Variants in MAP3K6 observed in about 807,000 individuals in gnomAD.
MAP3K6 encodes the protein mitogen-activated protein kinase kinase kinase 6.
A neutral mutation model predicts 147.1 loss-of-function variants in MAP3K6; 105 were observed. The ratio of observed to expected loss-of-function variants is 0.71; its 90% CI spans 0.61 to 0.84. The LOEUF (loss-of-function observed/expected upper bound fraction) is 0.84, where lower values mean the gene tolerates loss of function less well. Ranked by LOEUF, MAP3K6 falls within the 40% of genes least tolerant of loss-of-function variation. The pLI is 0.00. For missense variants in MAP3K6, 1,569 were observed against 1,715.0 expected, an observed-to-expected ratio of 0.91 and a Z score of 1.50; for synonymous variants, 695 against 732.4, an observed-to-expected ratio of 0.95 and a Z score of 0.82.
At chr1:27,363,644 C>T in intron 5 of MAP3K6, 96 bp from the exon 6 acceptor site, 1 of 969,730 alleles carries the variant, frequency 1.0e-6, no homozygotes, top group Non-Finnish European at 1.5e-6. Flanking sequence ...TCCCACCCAG[C>T]CACCATCTTC....
At position 27,363,378 on chromosome 1, in the gene MAP3K6, C is replaced by T. The variant is rs778196706; in HGVS notation, c.971+64G>A. The T allele has an allele frequency of 1.2e-4, 160 of 1,372,496 alleles. 1 individual carries two copies. Among genetic ancestry groups the T allele is most frequent in the South Asian group, 2.0e-4 (15 of 74,092 alleles). The allele number at this position is 1,372,496 out of a possible 1,614,324, so 85.0% of individuals were successfully genotyped here. Reference sequence around the variant, plus strand: ...GATCCCAGACAGCAATGGCTTTGCACGCAGAGACCTAGGTTTCGGAAACCT... The same window carrying T: ...GATCCCAGACAGCAATGGCTTTGCATGCAGAGACCTAGGTTTCGGAAACCT... On this transcript the variant is annotated intron_variant, in intron 6 of 28. Transcript: ENST00000357582.
At chr1:27,361,100 C>A (rs1239147140) in intron 13 of MAP3K6, 57 bp downstream of exon 13, 27 of 1,543,094 alleles carry the variant, frequency 1.7e-5, no homozygotes, top group Non-Finnish European at 2.4e-5. Context: ...TTCTTTCCCC[C>A]ACTCCCCCCC....
chr1:27,358,111 G>A lies in MAP3K6; in HGVS notation c.2915+70C>T, dbSNP rs1334069882. 6.6e-7 allele frequency: 1 copy of A among 1,523,294 alleles called. No individual in the cohort carries two copies. Among genetic ancestry groups the A allele is most frequent in the Non-Finnish European group, 8.8e-7 (1 of 1,139,146 alleles). The allele number at this position is 1,523,294 out of a possible 1,614,324, so 94.4% of individuals were successfully genotyped here. A position where few individuals can be genotyped will look rare whatever the true frequency, so the allele number is the denominator to read the frequency against. On this transcript the variant is annotated intron_variant, in intron 21 of 28. Coordinates refer to ENST00000357582, the MANE Select transcript of MAP3K6 (RefSeq NM_004672.5). This position sits in a 1 kb window ranked among gnomAD's most constrained non-coding sequence, Gnocchi z 6.2. Reference sequence around the variant, plus strand: ...TCAAGGTGCCCAGGTCCCCAGGGAGGGCTTTTGTAGGAGAGGAGAAAAAGG... The same window carrying A: ...TCAAGGTGCCCAGGTCCCCAGGGAGAGCTTTTGTAGGAGAGGAGAAAAAGG...
chr1:27,355,656 G>C lies in MAP3K6; in HGVS notation c.3788+13C>G, dbSNP rs1262267147. On this transcript the variant is annotated intron_variant, in intron 28 of 28. Coordinates refer to ENST00000357582, the MANE Select transcript of MAP3K6 (RefSeq NM_004672.5). Reference sequence around the variant, plus strand: ...CATATGCATGGTTCACACTTGGGGGGCCCAGGATGTACCTGATGCGGGTGT... The same window carrying C: ...CATATGCATGGTTCACACTTGGGGGCCCCAGGATGTACCTGATGCGGGTGT... The C allele has an allele frequency of 1.2e-6, 2 of 1,613,158 alleles. No homozygotes were observed. The highest frequency in any genetic ancestry group is 4.5e-5 in the East Asian group (2 of 44,874).
At chr1:27,365,454 C>T (rs193235801) in intron 1 of MAP3K6, among the ~76,000 whole-genome samples, 40 of 152,270 alleles carry the variant, frequency 2.6e-4, no homozygotes, top group African/African-American at 9.6e-4. Flanking sequence ...ATCTTTGTGT[C>T]CGAGTGGTCG....
rs766699594 is a variant in MAP3K6, at chr1:27,356,471, C to G, written c.3554G>C (p.Arg1185Pro). 7 of 1,613,824 alleles carry G rather than the reference C, an allele frequency of 4.3e-6. No homozygotes were observed. The East Asian group carries it at 1.1e-4, about 26-fold the overall frequency. Residue 1185 changes from arginine to proline, a missense_variant, in exon 26 of 29, where the codon CGG becomes CCG. By Grantham distance (103) the Arg-to-Pro change is moderately radical (BLOSUM62 -2). Transcript: ENST00000357582. ...CCGCTGCACCAGGGCCTGGTACTCC[C>G]GTTCCTTCCCCGCCAGGATTTCGCG... The part of the protein sequence containing the change: ...RLREILAGKE[R>P]EYQALVQRAL...
chr1:27,356,394 G>A lies in MAP3K6; in HGVS notation c.3631C>T (p.Pro1211Ser), dbSNP rs2015522450. 1.2e-6 allele frequency: 2 copies of A among 1,607,340 alleles called. No individual in the cohort carries two copies. Among genetic ancestry groups the A allele is most frequent in the South Asian group, 1.1e-5 (1 of 90,068 alleles). The change falls in exon 26 of 29, where the codon CCT becomes TCT. Residue 1211 changes from proline to serine, a missense_variant. Physicochemically the swap from Pro to Ser is moderately conservative, Grantham distance 74. Transcript: ENST00000357582. ...EARTYVLAPE[P>S]PTALSTDQGL... Reference sequence around the variant, plus strand: ...CCAGCCAAGGCCCACTCACTTGGAGGCTCTGGGGCCAGGACATAGGTCCGG... The same window carrying A: ...CCAGCCAAGGCCCACTCACTTGGAGACTCTGGGGCCAGGACATAGGTCCGG...
At position 27,355,437 on chromosome 1, in the gene MAP3K6, A is replaced by G; in HGVS notation, c.3821T>C (p.Ile1274Thr). ...TGTGGATCCTGCTCGCTGTGCCAAG[A>G]TGGCCCTCCAGATGCGGCATACCAT... Reference protein sequence around the residue: ...GGMVCRIWRAILAQRAGSTPV... With the variant: ...GGMVCRIWRATLAQRAGSTPV... Residue 1274 changes from isoleucine to threonine, a missense_variant, in exon 29 of 29, where the codon ATC (isoleucine) becomes ACC (threonine). By Grantham distance (89) the Ile-to-Thr change is moderately conservative. Coordinates refer to ENST00000357582, the MANE Select transcript of MAP3K6 (RefSeq NM_004672.5). 6.2e-7 allele frequency: 1 copy of G among 1,614,108 alleles called. No homozygotes were observed. Among genetic ancestry groups the G allele is most frequent in the Non-Finnish European group, 8.5e-7 (1 of 1,180,008 alleles).
At position 27,366,512 on chromosome 1, in the gene MAP3K6, C is replaced by G. The variant is rs2015993781; in HGVS notation, c.86G>C (p.Arg29Pro). The stretch of plus-strand genomic sequence containing the variant: ...CCGGCCCGGGGGCGCCGCGAGCTGC[C>G]GGCCCCGGCTCAGCGCCACGGCCAG... ...DPLAVALSRG[R>P]QLAAPPGRGC... The change falls in exon 1 of 29, where the codon CGG becomes CCG. Residue 29 changes from arginine to proline, a missense_variant. By Grantham distance (103) the Arg-to-Pro change is moderately radical (BLOSUM62 -2). Coordinates refer to ENST00000357582, the MANE Select transcript of MAP3K6 (RefSeq NM_004672.5). This position sits in a 1 kb window ranked among gnomAD's most constrained non-coding sequence, Gnocchi z 5.5. The G allele has an allele frequency of 1.8e-6, 2 of 1,108,768 alleles. No homozygotes were observed. The highest frequency in any genetic ancestry group is 1.7e-5 in the African/African-American group (1 of 60,146). 68.7% of individuals were successfully genotyped at this position (1,108,768 alleles called of 1,614,324 possible).
Position 27,358,335 on chromosome 1 carries a change from A to T in MAP3K6, c.2777-16T>A. Reference sequence around the variant, plus strand: ...GAAGGGGCATCTGAGGGAGGGACAGAGCCATCAGCTGGGCTCTCCTCCACC... The same window carrying T: ...GAAGGGGCATCTGAGGGAGGGACAGTGCCATCAGCTGGGCTCTCCTCCACC... On this transcript the variant is annotated splice_polypyrimidine_tract_variant and intron_variant, in intron 20 of 28. Transcript: ENST00000357582. The surrounding 1 kb of genome is among the most constrained non-coding windows in gnomAD (Gnocchi z 6.2). 1 of 1,603,036 alleles carries T rather than the reference A, an allele frequency of 6.2e-7. No homozygotes were observed. The highest frequency in any genetic ancestry group is 2.2e-5 in the East Asian group (1 of 44,778).
intron 23 of MAP3K6, 30 bp downstream of exon 23, chr1:27,357,370 G>T (rs553947812): frequency 1.3e-6 from 2 of 1,575,830 alleles, no homozygotes; most frequent in Admixed American, 1.8e-5. Flanking sequence ...CTGTTGTTGG[G>T]CAGCTCTAAC....
chr1:27,357,338 C>T (rs1354177885), intron 23 of MAP3K6, 62 bp downstream of exon 23: 4 of 1,543,878 alleles, frequency 2.6e-6, no homozygotes, highest in Non-Finnish European at 1.8e-6. Context: ...TGGCACCTCA[C>T]CAGGCACGGG....
rs377529270 is a variant in MAP3K6, at chr1:27,359,479, A to T, written c.2363T>A (p.Ile788Asn). 4.3e-6 allele frequency: 7 copies of T among 1,614,106 alleles called. No homozygotes were observed. Among genetic ancestry groups the T allele is most frequent in the Non-Finnish European group, 5.9e-6 (7 of 1,180,014 alleles). ...LINTFSGLLK[I>N]SDFGTSKRLA... Reference sequence around the variant, plus strand: ...CCGCTTGGAGGTGCCGAAGTCAGAAATCTTGAGCAGCCCACTGAAGGTGTT... The same window carrying T: ...CCGCTTGGAGGTGCCGAAGTCAGAATTCTTGAGCAGCCCACTGAAGGTGTT... The change falls in exon 18 of 29, where the codon ATT becomes AAT. Residue 788 changes from isoleucine to asparagine, a missense_variant. Physicochemically the swap from Ile to Asn is moderately radical, Grantham distance 149 (BLOSUM62 -3). Transcript: ENST00000357582. This position sits in a 1 kb window ranked among gnomAD's most constrained non-coding sequence, Gnocchi z 4.4.
Position 27,360,202 on chromosome 1 carries a change from A to C in MAP3K6, c.2182+39T>G. ...CCTGCCTGCCTCGGTCCCATGCTTC[A>C]CACCTCGGTTTCATTCCCATCCCAC... is the stretch of plus-strand genomic sequence containing the variant. On this transcript the variant is annotated intron_variant, in intron 16 of 28. Coordinates refer to ENST00000357582, the MANE Select transcript of MAP3K6 (RefSeq NM_004672.5). This position sits in a 1 kb window ranked among gnomAD's most constrained non-coding sequence, Gnocchi z 4.5. 1 of 1,609,708 alleles carries C rather than the reference A, an allele frequency of 6.2e-7. No individual in the cohort carries two copies. Among genetic ancestry groups the C allele is most frequent in the Non-Finnish European group, 8.5e-7 (1 of 1,177,144 alleles).
chr1:27,357,225 T>C (rs2015561881), intron 23 of MAP3K6, 111 bp from the exon 24 acceptor site: 1 of 1,277,912 alleles, frequency 7.8e-7, no homozygotes, highest in Non-Finnish European at 1.1e-6. Context: ...GTGGGCGGGC[T>C]TGAGGTCCAG....
chr1:27,356,961 A>G (rs2015549985), intron 24 of MAP3K6, 48 bp downstream of exon 24: 4 of 1,573,798 alleles, frequency 2.5e-6, no homozygotes, highest in Middle Eastern at 1.7e-4. Flanking sequence ...CGCGCCCAGC[A>G]AGCACCACAC....
In MAP3K6 at chr1:27,360,655, A is replaced by T. The variant is rs2015714542; in HGVS notation, c.2054+50T>A. 4 of 1,573,542 alleles carry T rather than the reference A, an allele frequency of 2.5e-6. No individual in the cohort carries two copies. Among genetic ancestry groups the T allele is most frequent in the Admixed American group, 3.5e-5 (2 of 56,540 alleles). On this transcript the variant is annotated intron_variant, in intron 15 of 28. Coordinates refer to ENST00000357582, the MANE Select transcript of MAP3K6 (RefSeq NM_004672.5). This position sits in a 1 kb window ranked among gnomAD's most constrained non-coding sequence, Gnocchi z 4.5. ...AGCCGCTCCGCTCGTGGCCCGGCTCACTCGGCCCTCGCGAGCCCTCAGCCC... is the reference window on the plus strand; with the variant it reads ...AGCCGCTCCGCTCGTGGCCCGGCTCTCTCGGCCCTCGCGAGCCCTCAGCCC...
Position 27,364,112 on chromosome 1 carries a change from G to C in MAP3K6, c.696-27C>G, listed in dbSNP as rs1304383250. The C allele has an allele frequency of 6.2e-7, 1 of 1,606,146 alleles. No individual in the cohort carries two copies. The highest frequency in any genetic ancestry group is 1.7e-5 in the Admixed American group (1 of 59,792). ...TGATGCCCAGGGTAGGGGAGGCAGG[G>C]AGAGAGAATGGTGGGGCCTGTACCT... On this transcript the variant is annotated intron_variant, in intron 4 of 28. Transcript: ENST00000357582. The surrounding 1 kb of genome is among the most constrained non-coding windows in gnomAD (Gnocchi z 4.4).
Position 27,356,461 on chromosome 1 carries a change from C to T in MAP3K6, c.3564G>A (p.Gln1188=). The T allele has an allele frequency of 6.2e-7, 1 of 1,613,966 alleles. No individual in the cohort carries two copies. The highest frequency in any genetic ancestry group is 1.3e-5 in the African/African-American group (1 of 75,072). The change falls in exon 26 of 29, where the codon CAG becomes CAA. Residue 1188 remains glutamine, a synonymous_variant. Transcript: ENST00000357582. The part of the protein sequence containing the change: ...EILAGKEREY[Q]ALVQRALQRL... Reference sequence around the variant, plus strand: ...GCTGTAGAGCCCGCTGCACCAGGGCCTGGTACTCCCGTTCCTTCCCCGCCA... The same window carrying T: ...GCTGTAGAGCCCGCTGCACCAGGGCTTGGTACTCCCGTTCCTTCCCCGCCA...
Sources: allele counts gnomAD v4.1 joint callset (sites outside exome capture counted in the v4.1 genomes callset), GRCh38; gene constraint gnomAD v4.1.1; non-coding constraint Gnocchi (gnomAD v3.1); transcripts MANE v1.5; gene names NCBI Gene and HGNC (gene_info 2026-07-23, HGNC 2026-07-21).